The following NCKAP5 variants were observed in gnomAD, a reference collection of about 807,000 sequenced individuals.
The protein encoded by NCKAP5 is nck-associated protein 5.
NCKAP5 carries 92 observed loss-of-function variants against 167.0 expected under a neutral mutation model. The observed-to-expected ratio is 0.55, with a 90% CI of 0.47 to 0.66. The LOEUF is 0.66. Among genes scored for constraint, NCKAP5 ranks in the 30% least tolerant of loss-of-function variants. The probability of loss-of-function intolerance (pLI) is 0.00; values close to 1 mark genes in which losing one functional copy is unlikely to be tolerated. For missense variants in NCKAP5, 2,378 were observed against 2,315.0 expected (o/e 1.03, Z -0.56); for synonymous variants, 891 against 877.4 (o/e 1.02, Z -0.27).
In NCKAP5 at chr2:133,303,075, C is replaced by T; in HGVS notation, c.105G>A (p.Leu35=). 1.9e-6 allele frequency: 3 copies of T among 1,598,258 alleles called. No homozygotes were observed. The highest frequency in any genetic ancestry group is 2.6e-6 in the Non-Finnish European group (3 of 1,171,992). The change falls in exon 4 of 20, where the codon CTG becomes CTA. Residue 35 remains leucine (L), a synonymous_variant. Coordinates refer to ENST00000409261, the MANE Select transcript of NCKAP5 (RefSeq NM_207363.3). ...TGTGTTGCTCCTCAAGCTGAGTCAG[C>T]AGATGCTCAATGTATTTATTGGAGT... ...YMDSNKYIEH[L]LTQLEEQHRS...
intron 6 of NCKAP5, among the ~76,000 whole-genome samples, chr2:133,085,902 C>G (rs908970996): frequency 4.6e-5 from 7 of 152,160 alleles, no homozygotes; most frequent in Non-Finnish European, 1.0e-4. Flanking sequence ...GCCAAGAGTC[C>G]ATTACATTGG....
intron 5 of NCKAP5, among the ~76,000 whole-genome samples, chr2:133,141,696 C>A (rs562780255): frequency 9.9e-5 from 15 of 152,256 alleles, no homozygotes; most frequent in Non-Finnish European, 2.1e-4. Flanking sequence ...CTAGGAATGC[C>A]TTCACACTTC....
intron 4 of NCKAP5, among the ~76,000 whole-genome samples, chr2:133,229,104 T>C (rs1463134003): frequency 2.0e-5 from 3 of 152,118 alleles, no homozygotes; most frequent in Non-Finnish European, 4.4e-5. Context: ...CCTAGGACAC[T>C]CTCAAGAGAG....
chr2:132,949,029 GAAAAGAAAAGAAAAGAA>G lies in NCKAP5; in HGVS notation c.579+14674_579+14690del, dbSNP rs2076096710. The stretch of plus-strand genomic sequence containing the variant: ...GAAAAGAAAAGAAAAGAAAAGAAAA[GAAAAGAAAAGAAAAGAA>G]AAGAAACATGGTGAGGAAGAAGGAC... On this transcript the variant is annotated intron_variant, in intron 8 of 19. Coordinates refer to ENST00000409261, the MANE Select transcript of NCKAP5 (RefSeq NM_207363.3). Among the ~76,000 whole-genome samples the G allele has an allele frequency of 2.7e-5, 4 of 149,952 alleles. No individual in the cohort carries two copies. In the South Asian group the frequency reaches 8.5e-4, roughly 32 times the overall value.
intron 3 of NCKAP5, among the ~76,000 whole-genome samples, chr2:133,459,118 C>A (rs1214780886): frequency 6.6e-6 from 1 of 152,142 alleles, no homozygotes; most frequent in East Asian, 1.9e-4. Context: ...TAACACAAAG[C>A]CTTGGTCAAT....
Position 133,511,399 on chromosome 2 carries a change from T to C in NCKAP5, c.69+6059A>G, listed in dbSNP as rs147222522. On this transcript the variant is annotated intron_variant, in intron 3 of 19. Coordinates refer to ENST00000409261, the MANE Select transcript of NCKAP5 (RefSeq NM_207363.3). The stretch of plus-strand genomic sequence containing the variant: ...GAGATCTGCACTGTTGGAGAACAGG[T>C]GGGCAGGGCACCTCTCCTGCATTTC... 5.4e-3 allele frequency among the ~76,000 whole-genome samples: 817 copies of C among 152,256 alleles called. 4 individuals are homozygous for C. Among genetic ancestry groups the C allele is most frequent in the African/African-American group, 0.018 (756 of 41,556 alleles).
intron 11 of NCKAP5, among the ~76,000 whole-genome samples, chr2:132,847,333 A>G (rs1028339394): frequency 6.6e-6 from 1 of 152,220 alleles, no homozygotes; most frequent in Non-Finnish European, 1.5e-5. Flanking sequence ...ATATACACAC[A>G]CAACAACCAA....
chr2:133,469,566 A>G (rs2151274144), intron 3 of NCKAP5, among the ~76,000 whole-genome samples: 1 of 152,186 alleles, frequency 6.6e-6, no homozygotes, highest in Non-Finnish European at 1.5e-5. Context: ...CTACCTTGCT[A>G]GATTGGGGAA....
At chr2:133,197,106 A>T (rs1335087390) in intron 5 of NCKAP5, among the ~76,000 whole-genome samples, 1 of 152,330 alleles carries the variant, frequency 6.6e-6, no homozygotes, top group South Asian at 2.1e-4. Context: ...TAGATAAAAG[A>T]TCAGGAAAGG....
intron 5 of NCKAP5, among the ~76,000 whole-genome samples, chr2:133,210,320 T>C (rs1427419592): frequency 6.6e-6 from 1 of 151,826 alleles, no homozygotes; most frequent in Non-Finnish European, 1.5e-5. Flanking sequence ...ATGCTTTGTA[T>C]TGAAGATTTT....
intron 11 of NCKAP5, among the ~76,000 whole-genome samples, chr2:132,842,153 T>A (rs1178038634): frequency 2.6e-5 from 4 of 152,292 alleles, no homozygotes; most frequent in African/African-American, 9.6e-5. Flanking sequence ...TTCCAATCTC[T>A]TACATCATAC....
the NCKAP5 span, among the ~76,000 whole-genome samples, chr2:133,666,431 C>T: frequency 6.6e-6 from 1 of 151,856 alleles, no homozygotes; most frequent in Non-Finnish European, 1.5e-5. Flanking sequence ...CTCCTGACCT[C>T]AGGTGATCCA....
chr2:132,724,264 A>G (rs1690225662), intron 19 of NCKAP5, among the ~76,000 whole-genome samples: 2 of 151,772 alleles, frequency 1.3e-5, no homozygotes, highest in Non-Finnish European at 1.5e-5. Context: ...TTTCTGTAGC[A>G]CTCATCTCCC....
intron 3 of NCKAP5, among the ~76,000 whole-genome samples, chr2:133,429,703 C>A (rs894462067): frequency 2.6e-5 from 4 of 151,988 alleles, no homozygotes; most frequent in Non-Finnish European, 5.9e-5. Context: ...ATTTTATTTA[C>A]CCAATCCACC....
chr2:133,018,011 C>T (rs1036161099), intron 6 of NCKAP5, among the ~76,000 whole-genome samples: 2 of 152,152 alleles, frequency 1.3e-5, no homozygotes, highest in Admixed American at 6.6e-5. Flanking sequence ...ACCATACTGC[C>T]CCAGGAAGCT....
intron 6 of NCKAP5, among the ~76,000 whole-genome samples, chr2:133,032,789 G>A (rs2078922898): frequency 1.3e-5 from 2 of 152,176 alleles, no homozygotes; most frequent in African/African-American, 4.8e-5. Flanking sequence ...TGTACAGAAA[G>A]CATGGTTGGG....
intron 3 of NCKAP5, among the ~76,000 whole-genome samples, chr2:133,399,164 T>C (rs1269085069): frequency 1.3e-5 from 2 of 152,110 alleles, no homozygotes; most frequent in East Asian, 1.9e-4. Context: ...GCAGCCCTGA[T>C]GAGGTTCTGC....
At chr2:132,971,017 T>C (rs892527259) in intron 7 of NCKAP5, among the ~76,000 whole-genome samples, 1 of 152,240 alleles carries the variant, frequency 6.6e-6, no homozygotes, top group Admixed American at 6.5e-5. Flanking sequence ...AATCAAGCTA[T>C]TCAATTAATA....
At chr2:133,169,031 C>A (rs2084125150) in intron 5 of NCKAP5, among the ~76,000 whole-genome samples, 1 of 152,124 alleles carries the variant, frequency 6.6e-6, no homozygotes, top group African/African-American at 2.4e-5. Flanking sequence ...TAAAGTTGTA[C>A]AAACCAGTCT....
Sources: gnomAD v4.1 joint callset for allele counts (sites outside exome capture counted in the v4.1 genomes callset) on GRCh38, gnomAD v4.1.1 for gene constraint, MANE v1.5 for transcripts, NCBI Gene and HGNC (gene_info 2026-07-23, HGNC 2026-07-21) for gene names.